Variants in MPRIP observed in about 807,000 individuals in gnomAD.
The protein encoded by MPRIP is myosin phosphatase Rho-interacting protein.
A neutral mutation model predicts 234.9 loss-of-function variants in MPRIP; 59 were observed. That is an observed-to-expected ratio of 0.25 (90% CI 0.20 to 0.31). The LOEUF is 0.31. Among genes scored for constraint, MPRIP ranks in the 10% least tolerant of loss-of-function variants. The pLI, the probability that MPRIP is intolerant of heterozygous loss-of-function variation, is 1.00. For synonymous variants in MPRIP, 1,144 were observed against 1,263.9 expected (o/e 0.91, Z 2.01); for missense variants, 2,436 against 3,071.0 (o/e 0.79, Z 4.89).
At chr17:17,090,386 T>C (rs2089687200) in intron 3 of MPRIP, among the ~76,000 whole-genome samples, 1 of 152,174 alleles carries the variant, frequency 6.6e-6, no homozygotes, top group African/African-American at 2.4e-5. Context: ...TCTGCCTCGA[T>C]GGAAGGGTGG....
rs114748575 is a variant in MPRIP, at chr17:17,044,338, A to G, written c.123+1367A>G. 6.2e-3 allele frequency among the ~76,000 whole-genome samples: 940 copies of G among 152,266 alleles called. 9 individuals carry two copies. The highest frequency in any genetic ancestry group is 0.022 in the African/African-American group (898 of 41,562). On this transcript the variant is annotated intron_variant, in intron 1 of 23. Transcript: ENST00000651222. Reference sequence around the variant, plus strand: ...ATCTGGATGCTTTTTTGGATGAAACAGTTTATGCGATGAGGAGTTGTTAGG... The same window carrying G: ...ATCTGGATGCTTTTTTGGATGAAACGGTTTATGCGATGAGGAGTTGTTAGG...
chr17:17,123,492 G>A (rs1431856443), intron 3 of MPRIP, among the ~76,000 whole-genome samples: 5 of 151,856 alleles, frequency 3.3e-5, no homozygotes, highest in African/African-American at 4.8e-5. Flanking sequence ...GTGAAACCCC[G>A]TCTCTACTAA....
Position 17,190,723 on chromosome 17 carries a change from A to C in MPRIP, c.*5829A>C, listed in dbSNP as rs1341217351. 1 of 152,178 alleles carries C rather than the reference A, an allele frequency of 6.6e-6. No homozygotes were observed. Among genetic ancestry groups the C allele is most frequent in the Non-Finnish European group, 1.5e-5 (1 of 68,044 alleles). The allele number at this position is 152,178 out of a possible 1,614,324, so 9.4% of individuals were successfully genotyped here. A position where few individuals can be genotyped will look rare whatever the true frequency, so the allele number is the denominator to read the frequency against. On this transcript the variant is annotated 3_prime_UTR_variant, in exon 24 of 24. Coordinates refer to ENST00000651222, the MANE Select transcript of MPRIP (RefSeq NM_001364716.4). The stretch of plus-strand genomic sequence containing the variant: ...GGAGTCAGTAGCTCAACACTAGATC[A>C]TCCCTAGAGATGGGGCAAGTTTCTG...
At chr17:17,098,857 C>T (rs1171646492) in intron 3 of MPRIP, among the ~76,000 whole-genome samples, 2 of 152,086 alleles carry the variant, frequency 1.3e-5, no homozygotes, top group Non-Finnish European at 2.9e-5. Flanking sequence ...CCCTGCCCCA[C>T]CCCCCAGCAT....
chr17:17,180,173 TG>T, intron 23 of MPRIP, 85 bp downstream of exon 23: 1 of 1,135,650 alleles, frequency 8.8e-7, no homozygotes, highest in Non-Finnish European at 1.3e-6. Context: ...AGTGCTCCCA[TG>T]GGCCACAGCT....
intron 23 of MPRIP, among the ~76,000 whole-genome samples, chr17:17,181,194 A>AT (rs11452230): frequency 0.15 from 22,946 of 149,134 alleles, 2,496 homozygotes; most frequent in East Asian, 0.31. Flanking sequence ...ATTTACCAGT[A>AT]TTTTTTTTTT....
chr17:17,184,356 T>C (rs1421732854), intron 23 of MPRIP, among the ~76,000 whole-genome samples: 3 of 152,220 alleles, frequency 2.0e-5, no homozygotes, highest in Non-Finnish European at 4.4e-5. Flanking sequence ...AGCGAGGCCC[T>C]GTCCCGGGAC....
chr17:17,090,034 G>A (rs112207453), intron 3 of MPRIP, among the ~76,000 whole-genome samples: 3 of 152,218 alleles, frequency 2.0e-5, no homozygotes, highest in African/African-American at 7.2e-5. Context: ...TCAACCCCAG[G>A]GGGAGGTGGG....
chr17:17,131,497 A>G (rs2090595783), intron 4 of MPRIP, 120 bp from the exon 5 acceptor site: 2 of 767,272 alleles, frequency 2.6e-6, no homozygotes, highest in Admixed American at 4.3e-5. Context: ...GCCCCAGCGT[A>G]GCAGTCTGTC....
At position 17,101,635 on chromosome 17, in the gene MPRIP, C is replaced by T. The variant is rs1170794924; in HGVS notation, c.267+23559C>T. Among the ~76,000 whole-genome samples, 10 of 152,290 alleles carry T rather than the reference C, an allele frequency of 6.6e-5. No homozygotes were observed. The East Asian group carries it at 1.7e-3, about 26-fold the overall frequency. On this transcript the variant is annotated intron_variant, in intron 3 of 23. Transcript: ENST00000651222. Reference sequence around the variant, plus strand: ...TATATATAGTTACTTCAAAGAAAAACCTTCAGCAACATTAAACAGTAGTGT... The same window carrying T: ...TATATATAGTTACTTCAAAGAAAAATCTTCAGCAACATTAAACAGTAGTGT...
chr17:17,150,087 T>C lies in MPRIP; in HGVS notation c.1630-57T>C, dbSNP rs60192272. 0.019 allele frequency: 25,600 copies of C among 1,313,386 alleles called. 3,055 individuals are homozygous for C. The African/African-American group carries it at 0.29, about 15-fold the overall frequency. 81.4% of individuals were successfully genotyped at this position (1,313,386 alleles called of 1,614,324 possible). ...AAAATCACTTACGGAAATTTGCTCA[T>C]CTAGGCATTGGTTCTACTTCCTAAA... On this transcript the variant is annotated intron_variant, in intron 11 of 23. Coordinates refer to ENST00000651222, the MANE Select transcript of MPRIP (RefSeq NM_001364716.4).
At chr17:17,117,529 T>C (rs1454753390) in intron 3 of MPRIP, among the ~76,000 whole-genome samples, 2 of 152,256 alleles carry the variant, frequency 1.3e-5, no homozygotes, top group Non-Finnish European at 2.9e-5. Context: ...TGTTGGAGCA[T>C]GTGTCAGGAT....
chr17:17,143,876 C>A (rs2045397684), intron 9 of MPRIP, among the ~76,000 whole-genome samples: 1 of 152,214 alleles, frequency 6.6e-6, no homozygotes, highest in South Asian at 2.1e-4. Context: ...GAACCAAGGG[C>A]TCCATGGCAT....
intron 20 of MPRIP, 151 bp from the exon 21 acceptor site, chr17:17,176,275 G>A: frequency 1.5e-6 from 1 of 668,266 alleles, no homozygotes. Context: ...GCTGTGAGCG[G>A]TGTTTAAACG....
At position 17,188,289 on chromosome 17, in the gene MPRIP, C is replaced by G. The variant is rs2046516729; in HGVS notation, c.*3395C>G. 1 of 152,286 alleles carries G rather than the reference C, an allele frequency of 6.6e-6. No individual in the cohort carries two copies. Among genetic ancestry groups the G allele is most frequent in the East Asian group, 1.9e-4 (1 of 5,206 alleles). 9.4% of individuals were successfully genotyped at this position (152,286 alleles called of 1,614,324 possible). A position where few individuals can be genotyped will look rare whatever the true frequency, so the allele number is the denominator to read the frequency against. Reference sequence around the variant, plus strand: ...GCTAAGTGGGTGATGCAGTGGACATCCCAGGGCGACTAGAGGTGGCAGTAT... The same window carrying G: ...GCTAAGTGGGTGATGCAGTGGACATGCCAGGGCGACTAGAGGTGGCAGTAT... On this transcript the variant is annotated 3_prime_UTR_variant, in exon 24 of 24. Coordinates refer to ENST00000651222, the MANE Select transcript of MPRIP (RefSeq NM_001364716.4).
intron 3 of MPRIP, among the ~76,000 whole-genome samples, chr17:17,113,374 A>C (rs1381888022): frequency 6.6e-6 from 1 of 152,246 alleles, no homozygotes; most frequent in Non-Finnish European, 1.5e-5. Context: ...TGGGTGCTTC[A>C]CATAAGTGGA....
At position 17,078,138 on chromosome 17, in the gene MPRIP, C is replaced by T. The variant is rs2089378666; in HGVS notation, c.267+62C>T. 8 of 1,540,642 alleles carry T rather than the reference C, an allele frequency of 5.2e-6. No individual in the cohort carries two copies. Among genetic ancestry groups the T allele is most frequent in the Admixed American group, 1.7e-5 (1 of 59,842 alleles). ...TTCACCAAGTCCCTCCATTACAGTG[C>T]CCTTGCGTTGTCATGTGAGAGCACA... On this transcript the variant is annotated intron_variant, in intron 3 of 23. Coordinates refer to ENST00000651222, the MANE Select transcript of MPRIP (RefSeq NM_001364716.4). The surrounding 1 kb of genome is among the most constrained non-coding windows in gnomAD (Gnocchi z 4.3).
chr17:17,171,613 A>G lies in MPRIP; in HGVS notation c.6325-105A>G, dbSNP rs538197153. ...GAGCAAGCTCAGTGAATGCCCAGTC[A>G]CAGCTGGGCCTGGACAGGGTGGGAT... On this transcript the variant is annotated intron_variant, in intron 16 of 23. Transcript: ENST00000651222. 2.8e-6 allele frequency: 4 copies of G among 1,417,408 alleles called. No individual in the cohort carries two copies. In the Admixed American group the frequency reaches 9.0e-5, roughly 32 times the overall value. The allele number at this position is 1,417,408 out of a possible 1,614,324, so 87.8% of individuals were successfully genotyped here.
At chr17:17,043,037 G>T in intron 1 of MPRIP, 66 bp downstream of exon 1, 1 of 1,476,518 alleles carries the variant, frequency 6.8e-7, no homozygotes, top group South Asian at 1.2e-5. Flanking sequence ...CCGGGGCGCC[G>T]CCAAGGGCTG....
Sources: gnomAD v4.1 joint callset for allele counts (sites outside exome capture counted in the v4.1 genomes callset) on GRCh38, gnomAD v4.1.1 for gene constraint, Gnocchi (gnomAD v3.1) non-coding constraint, MANE v1.5 for transcripts, NCBI Gene and HGNC (gene_info 2026-07-23, HGNC 2026-07-21) for gene names.